Variants in BTBD16 observed in about 807,000 individuals in gnomAD.
The protein encoded by BTBD16 is BTB/POZ domain-containing protein 16.
In BTBD16, 66 loss-of-function variants were observed where a neutral mutation model predicts 67.4. The observed-to-expected ratio is 0.98, with a 90% CI of 0.80 to 1.20. The LOEUF (loss-of-function observed/expected upper bound fraction) is 1.20, where lower values mean the gene tolerates loss of function less well. Ranked by LOEUF, BTBD16 falls within the 50% of genes most tolerant of loss-of-function variation. The pLI is 0.00. For synonymous variants in BTBD16, 242 were observed against 236.4 expected (o/e 1.02, Z -0.22); for missense variants, 634 against 616.0 (o/e 1.03, Z -0.31).
chr10:122,305,897 T>C (rs1042671326), intron 9 of BTBD16, among the ~76,000 whole-genome samples: 1 of 152,246 alleles, frequency 6.6e-6, no homozygotes, highest in East Asian at 1.9e-4. Flanking sequence ...GCTCTACCCA[T>C]GTTGCTGCAA....
intron 10 of BTBD16, chr10:122,327,594 G>A (rs2096447440): frequency 1.0e-6 from 1 of 985,430 alleles, no homozygotes; most frequent in African/African-American, 1.7e-5. Flanking sequence ...TTGGTTGGAT[G>A]ATGAGATGAC....
intron 5 of BTBD16, chr10:122,287,595 T>C (rs1183418537): frequency 2.0e-6 from 1 of 492,438 alleles, no homozygotes; most frequent in Non-Finnish European, 2.6e-6. Flanking sequence ...CGTCTTTCAA[T>C]AGGAACAGTC....
At chr10:122,300,403 G>T (rs1014589175) in intron 9 of BTBD16, among the ~76,000 whole-genome samples, 1 of 151,856 alleles carries the variant, frequency 6.6e-6, no homozygotes, top group Admixed American at 6.6e-5. Context: ...GTTACACCCA[G>T]TACTGCCAAT....
At chr10:122,304,729 A>G (rs1350612645) in intron 9 of BTBD16, among the ~76,000 whole-genome samples, 1 of 151,804 alleles carries the variant, frequency 6.6e-6, no homozygotes, top group East Asian at 1.9e-4. Context: ...AATTTTTTGT[A>G]TTTTTAGTAG....
chr10:122,321,319 C>A (rs2096435010), intron 10 of BTBD16, among the ~76,000 whole-genome samples: 1 of 152,126 alleles, frequency 6.6e-6, no homozygotes, highest in African/African-American at 2.4e-5. Context: ...TGAACATATG[C>A]CTGCATGTGT....
chr10:122,310,682 A>G (rs759310634), intron 10 of BTBD16, among the ~76,000 whole-genome samples: 19 of 152,226 alleles, frequency 1.2e-4, no homozygotes, highest in Non-Finnish European at 1.9e-4. Context: ...AGAGGGAGCA[A>G]TTTGGCCCAA....
rs2096463203 is a variant in BTBD16 at position 122,336,368 on chromosome 10, T to C, written c.1264-126T>C. ...AGCAACTTTTAGGAGATGGTGCCAATTGGGAAATGCCCTCTTGCTGCCTGC... is the reference window on the plus strand; with the variant it reads ...AGCAACTTTTAGGAGATGGTGCCAACTGGGAAATGCCCTCTTGCTGCCTGC... On this transcript the variant is annotated intron_variant, in intron 14 of 15. Coordinates refer to ENST00000260723, the MANE Select transcript of BTBD16 (RefSeq NM_144587.5). 6.3e-6 allele frequency: 5 copies of C among 794,370 alleles called. No homozygotes were observed. In the South Asian group the frequency reaches 6.8e-5, roughly 11 times the overall value. 49.2% of individuals were successfully genotyped at this position (794,370 alleles called of 1,614,324 possible).
intron 9 of BTBD16, among the ~76,000 whole-genome samples, chr10:122,301,317 A>C (rs1182110384): frequency 6.6e-6 from 1 of 152,142 alleles, no homozygotes; most frequent in East Asian, 1.9e-4. Context: ...AGCCTGACAA[A>C]CGTATGCTGG....
chr10:122,281,096 C>T (rs138697505), intron 3 of BTBD16, among the ~76,000 whole-genome samples: 164 of 152,180 alleles, frequency 1.1e-3, no homozygotes, highest in African/African-American at 3.0e-3. Flanking sequence ...CATGAGCCAC[C>T]GTGCCTGGCA....
At chr10:122,329,322 C>G (rs777131967) in intron 10 of BTBD16, 158 bp from the exon 11 acceptor site, 3 of 171,194 alleles carry the variant, frequency 1.8e-5, no homozygotes, top group Non-Finnish European at 3.5e-5. Context: ...AAGCCACCAT[C>G]TGCTTCCATG....
chr10:122,296,887 G>A (rs79388702), intron 7 of BTBD16, among the ~76,000 whole-genome samples: 130 of 152,346 alleles, frequency 8.5e-4, no homozygotes, highest in African/African-American at 3.0e-3. Context: ...CACTGCAGCT[G>A]TGCCAGCCCT....
At chr10:122,336,871 C>T (rs895178155) in intron 15 of BTBD16, among the ~76,000 whole-genome samples, 189 bp downstream of exon 15, 1 of 152,098 alleles carries the variant, frequency 6.6e-6, no homozygotes, top group Non-Finnish European at 1.5e-5. Flanking sequence ...AATGAAAAAC[C>T]ATGGATACAG....
intron 7 of BTBD16, among the ~76,000 whole-genome samples, chr10:122,292,020 C>T (rs1590060194): frequency 6.6e-6 from 1 of 152,184 alleles, no homozygotes; most frequent in East Asian, 1.9e-4. Context: ...ACAGACATTG[C>T]TTGGTGTTTC....
intron 14 of BTBD16, among the ~76,000 whole-genome samples, chr10:122,335,847 A>G (rs558046346): frequency 6.6e-6 from 1 of 152,228 alleles, no homozygotes; most frequent in Middle Eastern, 3.4e-3. Flanking sequence ...AGTACCGAGA[A>G]CATAGAGGAG....
intron 2 of BTBD16, 126 bp from the exon 3 acceptor site, chr10:122,276,665 T>A: frequency 8.1e-7 from 1 of 1,237,996 alleles, no homozygotes; most frequent in Non-Finnish European, 1.1e-6. Flanking sequence ...ATATTAGCCA[T>A]GTTCAAAAAT....
intron 7 of BTBD16, chr10:122,291,812 T>C (rs1416752283): frequency 6.6e-6 from 1 of 152,218 alleles, no homozygotes; most frequent in Non-Finnish European, 1.5e-5. Context: ...ATAGCCTCTC[T>C]TTTGGACATT....
intron 10 of BTBD16, among the ~76,000 whole-genome samples, chr10:122,314,503 C>CA (rs1401033921): frequency 6.6e-6 from 1 of 151,136 alleles, no homozygotes; most frequent in Non-Finnish European, 1.5e-5. Flanking sequence ...GACCCTGTCT[C>CA]AAAAAAAATT....
chr10:122,304,297 G>A (rs2096399344), intron 9 of BTBD16, among the ~76,000 whole-genome samples: 6 of 152,194 alleles, frequency 3.9e-5, no homozygotes, highest in African/African-American at 1.2e-4. Flanking sequence ...TGAGAGGTGG[G>A]TGACATTTTC....
At chr10:122,331,285 A>G (rs2096454721) in intron 12 of BTBD16, 27 bp downstream of exon 12, 1 of 1,603,344 alleles carries the variant, frequency 6.2e-7, no homozygotes, top group Non-Finnish European at 8.5e-7. Context: ...GCAAGGACAC[A>G]GTTGTCGAAG....
Sources: allele counts gnomAD v4.1 joint callset (sites outside exome capture counted in the v4.1 genomes callset), GRCh38; gene constraint gnomAD v4.1.1; transcripts MANE v1.5; gene names NCBI Gene and HGNC (gene_info 2026-07-23, HGNC 2026-07-21).